The following SH2B3 variants were observed in gnomAD, a reference collection of about 807,000 sequenced individuals.
SH2B3 encodes SH2B adaptor protein 3.
Under a neutral mutation model 51.9 loss-of-function variants are expected in SH2B3, and 43 were observed. The observed-to-expected ratio is 0.83, with a 90% CI of 0.65 to 1.07. The LOEUF (loss-of-function observed/expected upper bound fraction) is 1.07. SH2B3 is among the 50% of genes least tolerant of loss of function. The pLI, the probability that SH2B3 is intolerant of heterozygous loss-of-function variation, is 0.00. For synonymous variants in SH2B3, 396 were observed against 376.0 expected (o/e 1.05, Z -0.62); for missense variants, 952 against 834.3 (o/e 1.14, Z -1.74).
At chr12:111,425,037 A>G (rs953552588) in intron 2 of SH2B3, among the ~76,000 whole-genome samples, 2 of 151,932 alleles carry the variant, frequency 1.3e-5, no homozygotes, top group African/African-American at 4.8e-5. Context: ...GAGCCAAGAG[A>G]AGGCAGCTGC....
chr12:111,411,257 C>T (rs1870674600), intron 1 of SH2B3, among the ~76,000 whole-genome samples: 1 of 149,394 alleles, frequency 6.7e-6, no homozygotes, highest in Non-Finnish European at 1.5e-5. Flanking sequence ...GTCCCAGATA[C>T]TTGGAAGGAC....
At chr12:111,428,979 C>A (rs1310915450) in intron 2 of SH2B3, among the ~76,000 whole-genome samples, 3 of 149,678 alleles carry the variant, frequency 2.0e-5, no homozygotes, top group Non-Finnish European at 3.0e-5. Flanking sequence ...GGGACGTCCG[C>A]CGGAGGCCTG....
At chr12:111,436,656 C>T (rs931789207) in intron 2 of SH2B3, among the ~76,000 whole-genome samples, 2 of 152,026 alleles carry the variant, frequency 1.3e-5, no homozygotes, top group African/African-American at 4.8e-5. Context: ...AGGTCTTCCT[C>T]TGGGTGTCTG....
rs1874580702 is a variant in SH2B3, at chr12:111,451,436, G to A, written c.*3134G>A. ...GGACACATCTGACATCCTGTGTTTG[G>A]TTAGAATATACAGCACATTGTGATA... On this transcript the variant is annotated 3_prime_UTR_variant, in exon 8 of 8. Coordinates refer to ENST00000341259, the MANE Select transcript of SH2B3 (RefSeq NM_005475.3). The A allele has an allele frequency of 6.6e-6, 1 of 152,544 alleles. No individual in the cohort carries two copies. The highest frequency in any genetic ancestry group is 2.4e-5 in the African/African-American group (1 of 41,426). 9.4% of individuals were successfully genotyped at this position (152,544 alleles called of 1,614,324 possible).
chr12:111,428,937 T>TA (rs1236744499), intron 2 of SH2B3, among the ~76,000 whole-genome samples: 1 of 149,442 alleles, frequency 6.7e-6, no homozygotes, highest in African/African-American at 2.5e-5. Flanking sequence ...CCCCCATGCC[T>TA]CCGGGTGTGG....
chr12:111,448,168 C>T lies in SH2B3; in HGVS notation c.1594C>T (p.Pro532Ser). The part of the protein sequence containing the change: ...PEQIFHLVPS[P>S]EELANSLQHL... The stretch of plus-strand genomic sequence containing the variant: ...GCAGATCTTCCACCTGGTGCCTTCG[C>T]CCGAAGAACTGGCCAACAGCCTGCA... The change falls in exon 8 of 8, where the codon CCC becomes TCC. Residue 532 changes from proline (P) to serine (S), a missense_variant. Coordinates refer to ENST00000341259, the MANE Select transcript of SH2B3 (RefSeq NM_005475.3). 1.2e-6 allele frequency: 2 copies of T among 1,614,158 alleles called. No individual in the cohort carries two copies. The highest frequency in any genetic ancestry group is 1.7e-6 in the Non-Finnish European group (2 of 1,180,026).
rs955561594 is a variant in SH2B3, at chr12:111,407,882, C to T, written c.-28+1605C>T. 6.6e-6 allele frequency among the ~76,000 whole-genome samples: 1 copy of T among 152,170 alleles called. No homozygotes were observed. Among genetic ancestry groups the T allele is most frequent in the Non-Finnish European group, 1.5e-5 (1 of 68,048 alleles). ...CTTTGCTACTCCTATTGCCTTCGTTCAGCTGAAGGCGTGGGCAAGTGACTC... is the reference window on the plus strand; with the variant it reads ...CTTTGCTACTCCTATTGCCTTCGTTTAGCTGAAGGCGTGGGCAAGTGACTC... On this transcript the variant is annotated intron_variant, in intron 1 of 7. Coordinates refer to ENST00000341259, the MANE Select transcript of SH2B3 (RefSeq NM_005475.3). The surrounding 1 kb of genome is among the most constrained non-coding windows in gnomAD (Gnocchi z 4.3).
At chr12:111,413,584 G>A (rs1029044466) in intron 1 of SH2B3, among the ~76,000 whole-genome samples, 1 of 152,204 alleles carries the variant, frequency 6.6e-6, no homozygotes, top group East Asian at 1.9e-4. Context: ...CCTGCAGTTG[G>A]GCTTCAAGAC....
intron 2 of SH2B3, among the ~76,000 whole-genome samples, chr12:111,440,342 T>TC (rs1378635626): frequency 1.3e-5 from 2 of 152,234 alleles, no homozygotes; most frequent in African/African-American, 4.8e-5. Context: ...AATCTCACTG[T>TC]CCATGATGCC....
Position 111,435,296 on chromosome 12 carries a change from C to CA in SH2B3, c.733-11456dup. ...CCACTGGTGTGTGCTACAGTAGACC[C>CA]AGCCCTGGGGCCCCATGATACCCTC... On this transcript the variant is annotated intron_variant, in intron 2 of 7. Transcript: ENST00000341259. This position sits in a 1 kb window ranked among gnomAD's most constrained non-coding sequence, Gnocchi z 4.8. Among the ~76,000 whole-genome samples the CA allele has an allele frequency of 6.6e-6, 1 of 152,342 alleles. No homozygotes were observed. Among genetic ancestry groups the CA allele is most frequent in the African/African-American group, 2.4e-5 (1 of 41,582 alleles).
At chr12:111,441,354 A>C (rs953967225) in intron 2 of SH2B3, among the ~76,000 whole-genome samples, 28 of 145,104 alleles carry the variant, frequency 1.9e-4, no homozygotes, top group Non-Finnish European at 3.2e-4. Context: ...GCAAGACCCT[A>C]TCTCTTAAAA....
intron 2 of SH2B3, among the ~76,000 whole-genome samples, chr12:111,421,797 G>A (rs755357148): frequency 5.9e-5 from 9 of 152,140 alleles, no homozygotes; most frequent in African/African-American, 1.4e-4. Context: ...CCCATCCTCT[G>A]TTGATGAATA....
intron 2 of SH2B3, among the ~76,000 whole-genome samples, chr12:111,420,412 G>C (rs1162726979): frequency 1.3e-5 from 2 of 151,196 alleles, no homozygotes; most frequent in East Asian, 3.9e-4. Flanking sequence ...TTCACAGCTG[G>C]CTTAATTCCT....
chr12:111,436,641 T>G (rs561917426), intron 2 of SH2B3, among the ~76,000 whole-genome samples: 16 of 152,076 alleles, frequency 1.1e-4, no homozygotes, highest in African/African-American at 3.4e-4. Flanking sequence ...TCTTTCCCTG[T>G]GTGAAGGTCT....
intron 1 of SH2B3, among the ~76,000 whole-genome samples, chr12:111,414,403 G>A (rs1870925190): frequency 6.6e-6 from 1 of 152,030 alleles, no homozygotes; most frequent in Non-Finnish European, 1.5e-5. Context: ...ACCAGCCTAG[G>A]CAACATAGTG....
At position 111,435,070 on chromosome 12, in the gene SH2B3, T is replaced by C; in HGVS notation, c.733-11683T>C. The C allele has an allele frequency of 6.8e-7, 1 of 1,471,486 alleles. No individual in the cohort carries two copies. Among genetic ancestry groups the C allele is most frequent in the South Asian group, 1.2e-5 (1 of 82,626 alleles). The allele number at this position is 1,471,486 out of a possible 1,614,324, so 91.2% of individuals were successfully genotyped here. ...TTGTCTGGGGCTTTGGGGATCTTGG[T>C]GGTGATGAGTCCCCTCTCCTCTGGT... On this transcript the variant is annotated intron_variant, in intron 2 of 7. Transcript: ENST00000341259. This position sits in a 1 kb window ranked among gnomAD's most constrained non-coding sequence, Gnocchi z 4.8.
In SH2B3 at chr12:111,418,515, C is replaced by T. The variant is rs1356223666; in HGVS notation, c.370C>T (p.Leu124=). The change falls in exon 2 of 8, where the codon CTG becomes TTG. Residue 124 remains leucine (L), a synonymous_variant. Coordinates refer to ENST00000341259, the MANE Select transcript of SH2B3 (RefSeq NM_005475.3). The surrounding 1 kb of genome is among the most constrained non-coding windows in gnomAD (Gnocchi z 6.7). ...GCCCAAGGCCCGCAGCTCTGAGGAG[C>T]TGGCCCCGCCGCGGCCGCCCGGGCC... The part of the protein sequence containing the change: ...GLPKARSSEE[L]APPRPPGPCS... 10 of 1,385,802 alleles carry T rather than the reference C, an allele frequency of 7.2e-6. No individual in the cohort carries two copies. The highest frequency in any genetic ancestry group is 7.5e-6 in the Non-Finnish European group (8 of 1,071,398). The allele number at this position is 1,385,802 out of a possible 1,614,324, so 85.8% of individuals were successfully genotyped here. A position where few individuals can be genotyped will look rare whatever the true frequency, so the allele number is the denominator to read the frequency against.
chr12:111,437,180 A>T (rs953289040), intron 2 of SH2B3, among the ~76,000 whole-genome samples: 3 of 151,950 alleles, frequency 2.0e-5, no homozygotes, highest in Non-Finnish European at 4.4e-5. Flanking sequence ...AGGTGCTTGG[A>T]GGGTTTACTG....
rs759772672 is a variant in SH2B3 at position 111,438,614 on chromosome 12, C to T, written c.733-8139C>T. Among the ~76,000 whole-genome samples the T allele has an allele frequency of 9.2e-5, 14 of 152,312 alleles. No individual in the cohort carries two copies. The highest frequency in any genetic ancestry group is 4.1e-4 in the South Asian group (2 of 4,824). On this transcript the variant is annotated intron_variant, in intron 2 of 7. Coordinates refer to ENST00000341259, the MANE Select transcript of SH2B3 (RefSeq NM_005475.3). This position sits in a 1 kb window ranked among gnomAD's most constrained non-coding sequence, Gnocchi z 4.2. ...CCACCACCTAGCAGGCACTGGCTCGCGGCCAAGGACACCACGTGAGCAAAG... is the reference window on the plus strand; with the variant it reads ...CCACCACCTAGCAGGCACTGGCTCGTGGCCAAGGACACCACGTGAGCAAAG...
Sources: allele counts gnomAD v4.1 joint callset (sites outside exome capture counted in the v4.1 genomes callset), GRCh38; gene constraint gnomAD v4.1.1; non-coding constraint Gnocchi (gnomAD v3.1); transcripts MANE v1.5; gene names NCBI Gene and HGNC (gene_info 2026-07-23, HGNC 2026-07-21).